The following KL variants were observed in gnomAD, a reference collection of about 807,000 sequenced individuals.
The protein encoded by KL is klotho, also known as alpha-klotho.
Under a neutral mutation model 84.2 loss-of-function variants are expected in KL, and 62 were observed. The ratio of observed to expected loss-of-function variants is 0.74; its 90% CI spans 0.60 to 0.91. KL has a LOEUF of 0.91. KL is among the 40% of genes least tolerant of loss of function. The pLI is 0.00. For synonymous variants in KL, 528 were observed against 528.0 expected (o/e 1.00, Z 0.00); for missense variants, 1,261 against 1,305.7 (o/e 0.97, Z 0.53).
intron 1 of KL, among the ~76,000 whole-genome samples, chr13:33,040,737 C>A (rs1871309858): frequency 6.6e-6 from 1 of 152,024 alleles, no homozygotes; most frequent in Non-Finnish European, 1.5e-5. Context: ...TTGGTGATAC[C>A]ATCCATGTCT....
intron 1 of KL, among the ~76,000 whole-genome samples, chr13:33,027,961 G>A (rs1870839154): frequency 1.3e-5 from 2 of 152,238 alleles, no homozygotes; most frequent in African/African-American, 4.8e-5. Flanking sequence ...GGATCATGAT[G>A]TGTGTCCAAC....
intron 1 of KL, among the ~76,000 whole-genome samples, chr13:33,047,068 A>T (rs567854424): frequency 6.6e-6 from 1 of 152,280 alleles, no homozygotes; most frequent in South Asian, 2.1e-4. Flanking sequence ...CTAACATATG[A>T]TCTATCCTGG....
intron 1 of KL, among the ~76,000 whole-genome samples, chr13:33,042,467 A>C (rs1871371764): frequency 6.6e-6 from 1 of 152,214 alleles, no homozygotes; most frequent in Non-Finnish European, 1.5e-5. Flanking sequence ...AAATGGAATC[A>C]AACAACTCTG....
intron 1 of KL, among the ~76,000 whole-genome samples, chr13:33,047,762 GT>G (rs1871591044): frequency 6.6e-6 from 1 of 151,808 alleles, no homozygotes; most frequent in African/African-American, 2.4e-5. Context: ...TGTGTTTTTT[GT>G]TTTTTATTTC....
chr13:33,020,927 G>T (rs527802076), intron 1 of KL, among the ~76,000 whole-genome samples: 2 of 152,316 alleles, frequency 1.3e-5, no homozygotes, highest in Admixed American at 6.5e-5. Flanking sequence ...CAGCTAACAC[G>T]CTCCCTTGGG....
intron 1 of KL, among the ~76,000 whole-genome samples, chr13:33,020,344 C>T (rs1011855628): frequency 2.6e-5 from 4 of 152,120 alleles, no homozygotes; most frequent in Admixed American, 2.0e-4. Context: ...CTCTTAGTCT[C>T]CTTTGCTTGT....
intron 1 of KL, among the ~76,000 whole-genome samples, chr13:33,017,748 AAC>A (rs1480175034): frequency 6.6e-6 from 1 of 152,232 alleles, no homozygotes; most frequent in South Asian, 2.1e-4. Flanking sequence ...AAAGTGTCAA[AAC>A]ACAACTCCCG....
At chr13:33,048,699 A>G (rs1871630640) in intron 1 of KL, among the ~76,000 whole-genome samples, 1 of 152,224 alleles carries the variant, frequency 6.6e-6, no homozygotes, top group Non-Finnish European at 1.5e-5. Context: ...TGCCTCAGCC[A>G]TACCTAGAAC....
At position 33,061,563 on chromosome 13, in the gene KL, A is replaced by G; in HGVS notation, c.2484A>G (p.Leu828=). Residue 828 remains leucine (L), a synonymous_variant, in exon 4 of 5, where the codon CTA becomes CTG. Transcript: ENST00000380099. ...KEDPIKYNDY[L]EVQEMTDITW... is the part of the protein sequence containing the mutation. ...ATCCAATAAAATACAATGATTACCT[A>G]GAAGTGCAAGAAATGACCGACATCA... 6.2e-7 allele frequency: 1 copy of G among 1,614,236 alleles called. No homozygotes were observed. The highest frequency in any genetic ancestry group is 8.5e-7 in the Non-Finnish European group (1 of 1,180,050).
chr13:33,060,962 G>T lies in KL; in HGVS notation c.1883G>T (p.Arg628Leu), dbSNP rs137884931. The T allele has an allele frequency of 6.2e-7, 1 of 1,611,256 alleles. No homozygotes were observed. Among genetic ancestry groups the T allele is most frequent in the Non-Finnish European group, 8.5e-7 (1 of 1,177,876 alleles). The part of the protein sequence containing the change: ...YYRCMASELV[R>L]VNITPVVALW... ...CGCTGCATGGCCAGCGAGCTTGTCC[G>T]TGTCAACATCACCCCAGTGGTGGCC... The change falls in exon 4 of 5, where the codon CGT becomes CTT. Residue 628 changes from arginine to leucine, a missense_variant. By Grantham distance (102) the Arg-to-Leu change is moderately radical. Coordinates refer to ENST00000380099, the MANE Select transcript of KL (RefSeq NM_004795.4).
rs1566496073 is a variant in KL at position 33,016,597 on chromosome 13, G to C, written c.157G>C (p.Ala53Pro). ...TTTCTCGCGGCCTCCTGCCCCCGAG[G>C]CCGCGGGCCTCTTCCAGGGCACCTT... ...ARFSRPPAPE[A>P]AGLFQGTFPD... Residue 53 changes from alanine to proline, a missense_variant, in exon 1 of 5, where the codon GCC becomes CCC. By Grantham distance (27) the Ala-to-Pro change is conservative (BLOSUM62 -1). Transcript: ENST00000380099. The C allele has an allele frequency of 1.3e-6, 2 of 1,505,232 alleles. No homozygotes were observed. The highest frequency in any genetic ancestry group is 5.1e-5 in the East Asian group (2 of 39,566). 93.2% of individuals were successfully genotyped at this position (1,505,232 alleles called of 1,614,324 possible).
chr13:33,065,925 T>C lies in KL; in HGVS notation c.*1739T>C. 1 of 176,492 alleles carries C rather than the reference T, an allele frequency of 5.7e-6. No homozygotes were observed. The highest frequency in any genetic ancestry group is 1.2e-5 in the Non-Finnish European group (1 of 81,824). 10.9% of individuals were successfully genotyped at this position (176,492 alleles called of 1,614,324 possible). On this transcript the variant is annotated 3_prime_UTR_variant, in exon 5 of 5. Transcript: ENST00000380099. The stretch of plus-strand genomic sequence containing the variant: ...TAGTCTTCAAAAGCATGATTTTTAA[T>C]AGTTGTTGAGTATTCCACCACAGGA...
intron 1 of KL, among the ~76,000 whole-genome samples, chr13:33,029,753 C>G (rs1039342159): frequency 4.2e-4 from 64 of 152,174 alleles, no homozygotes; most frequent in Non-Finnish European, 8.4e-4. Flanking sequence ...CCTGCCTCAG[C>G]CTCCCGAGTA....
intron 1 of KL, among the ~76,000 whole-genome samples, chr13:33,033,611 C>A (rs1223821813): frequency 6.6e-6 from 1 of 152,090 alleles, no homozygotes; most frequent in Non-Finnish European, 1.5e-5. Context: ...CCTTCACTTT[C>A]CTTAAGTCTA....
chr13:33,031,476 G>A (rs1441979596), intron 1 of KL, among the ~76,000 whole-genome samples: 1 of 152,118 alleles, frequency 6.6e-6, no homozygotes, highest in Non-Finnish European at 1.5e-5. Context: ...GCTTAATAAT[G>A]AGGTCATTAT....
At chr13:33,028,584 G>A (rs1356465814) in intron 1 of KL, among the ~76,000 whole-genome samples, 1 of 152,148 alleles carries the variant, frequency 6.6e-6, no homozygotes, top group African/African-American at 2.4e-5. Context: ...GAATGGGGGA[G>A]ATTCCAGAAG....
chr13:33,019,464 T>C (rs1566497255), intron 1 of KL, among the ~76,000 whole-genome samples: 1 of 152,116 alleles, frequency 6.6e-6, no homozygotes, highest in African/African-American at 2.4e-5. Context: ...TGGTGAAGGA[T>C]AAAGACTGGC....
At chr13:33,028,822 T>C (rs1245036883) in intron 1 of KL, among the ~76,000 whole-genome samples, 2 of 152,262 alleles carry the variant, frequency 1.3e-5, no homozygotes, top group African/African-American at 4.8e-5. Flanking sequence ...GGCAGAATAA[T>C]GTCAATACCA....
chr13:33,054,299 T>C (rs772545506), intron 2 of KL, 22 bp downstream of exon 2: 16 of 1,608,960 alleles, frequency 9.9e-6, no homozygotes, highest in Non-Finnish European at 1.3e-5. Flanking sequence ...GGTAAAGTTC[T>C]CATTTCCTGC....
Sources: allele counts gnomAD v4.1 joint callset (sites outside exome capture counted in the v4.1 genomes callset), GRCh38; gene constraint gnomAD v4.1.1; transcripts MANE v1.5; gene names NCBI Gene and HGNC (gene_info 2026-07-23, HGNC 2026-07-21).